The following TRPM1 variants were observed in gnomAD, a reference collection of about 807,000 sequenced individuals.
TRPM1 encodes the protein transient receptor potential cation channel subfamily M member 1.
Under a neutral mutation model 149.4 loss-of-function variants are expected in TRPM1, and 113 were observed. That is an observed-to-expected ratio of 0.76 (90% CI 0.65 to 0.88). The LOEUF (loss-of-function observed/expected upper bound fraction) is 0.88. Ranked by LOEUF, TRPM1 falls within the 40% of genes least tolerant of loss-of-function variation. TRPM1 has a pLI of 0.00. For synonymous variants in TRPM1, 741 were observed against 759.5 expected (o/e 0.98, Z 0.40); for missense variants, 1,976 against 2,038.7 (o/e 0.97, Z 0.59).
rs138879556 is a variant in TRPM1 at position 31,091,857 on chromosome 15, C to T, written c.-84+9800G>A. On this transcript the variant is annotated intron_variant, in intron 1 of 27. Transcript: ENST00000256552. ...ACAAAACAAAACAAAACAAAAAACA[C>T]CTTCTTCAAAAGTTCAGTGGGGCCT... 5.9e-5 allele frequency among the ~76,000 whole-genome samples: 9 copies of T among 152,298 alleles called. No individual in the cohort carries two copies. The East Asian group carries it at 1.7e-3, about 29-fold the overall frequency.
intron 20 of TRPM1, chr15:31,035,914 G>A (rs2033347571): frequency 1.7e-6 from 1 of 579,430 alleles, no homozygotes; most frequent in South Asian, 1.9e-5. Flanking sequence ...TCTACATGGA[G>A]ACATATTGGT....
chr15:31,160,338 C>T (rs1466679239), intron 1 of TRPM1, among the ~76,000 whole-genome samples: 1 of 152,176 alleles, frequency 6.6e-6, no homozygotes, highest in African/African-American at 2.4e-5. Context: ...CCGTTCCCCA[C>T]AGCTGGTGCC....
In TRPM1 at chr15:31,026,904, C is replaced by T; in HGVS notation, c.3496+11G>A. ...TCAGCCCAACTTAGAAATGAAGAGC[C>T]CTGCACATACTCAATCCACGATCCC... On this transcript the variant is annotated intron_variant, in intron 26 of 27. Coordinates refer to ENST00000256552, the MANE Select transcript of TRPM1 (RefSeq NM_001252024.2). 1 of 1,612,814 alleles carries T rather than the reference C, an allele frequency of 6.2e-7. No individual in the cohort carries two copies. Among genetic ancestry groups the T allele is most frequent in the Non-Finnish European group, 8.5e-7 (1 of 1,179,692 alleles).
At chr15:31,099,107 ATC>A (rs1421810401) in intron 1 of TRPM1, among the ~76,000 whole-genome samples, 1 of 151,998 alleles carries the variant, frequency 6.6e-6, no homozygotes, top group African/African-American at 2.4e-5. Flanking sequence ...TAACAGAAAA[ATC>A]TCTTTCCTGG....
At position 31,073,914 on chromosome 15, in the gene TRPM1, T is replaced by C. The variant is rs1393186009; in HGVS notation, c.83+2991A>G. 3.9e-5 allele frequency among the ~76,000 whole-genome samples: 6 copies of C among 151,962 alleles called. No homozygotes were observed. In the South Asian group the frequency reaches 1.2e-3, roughly 32 times the overall value. On this transcript the variant is annotated intron_variant, in intron 3 of 27. Coordinates refer to ENST00000256552, the MANE Select transcript of TRPM1 (RefSeq NM_001252024.2). ...TTTCCGAGTGATTTTTTATAAAGAG[T>C]GTTGAGTTTTATCCAAGTCTTTTGC...
chr15:31,155,261 C>T (rs2036353154), intron 1 of TRPM1, among the ~76,000 whole-genome samples: 1 of 152,210 alleles, frequency 6.6e-6, no homozygotes, highest in African/African-American at 2.4e-5. Context: ...GTGAGAGCTG[C>T]TGTCCCCTGA....
At chr15:31,109,860 A>C (rs1357242622) in intron 1 of TRPM1, among the ~76,000 whole-genome samples, 1 of 152,158 alleles carries the variant, frequency 6.6e-6, no homozygotes, top group Non-Finnish European at 1.5e-5. Flanking sequence ...CTTGGTTCCC[A>C]GGCTGGAGAC....
At chr15:31,057,366 C>CA (rs767489104) in intron 11 of TRPM1, among the ~76,000 whole-genome samples, 39 of 152,144 alleles carry the variant, frequency 2.6e-4, no homozygotes, top group Non-Finnish European at 4.9e-4. Flanking sequence ...AGGGGAATAA[C>CA]AGACACTGGG....
intron 1 of TRPM1, among the ~76,000 whole-genome samples, chr15:31,124,654 CA>C (rs57964365): frequency 0.46 from 39,341 of 86,460 alleles, 5,333 homozygotes; most frequent in Middle Eastern, 0.56. Context: ...GACTCTGTCT[CA>C]AAAAAAAAAA....
At chr15:31,087,724 T>C (rs1169630167) in intron 1 of TRPM1, among the ~76,000 whole-genome samples, 2 of 152,118 alleles carry the variant, frequency 1.3e-5, no homozygotes, top group Non-Finnish European at 2.9e-5. Flanking sequence ...ACAACAGGGA[T>C]GGACTTTGAG....
intron 1 of TRPM1, among the ~76,000 whole-genome samples, chr15:31,115,271 A>G (rs1034144749): frequency 6.6e-6 from 1 of 152,124 alleles, no homozygotes; most frequent in African/African-American, 2.4e-5. Context: ...AATAATAATA[A>G]TAGATAAGTA....
In TRPM1 at chr15:31,001,671, T is replaced by C. The variant is rs1051789959; in HGVS notation, c.*151A>G. ...CTACTAACATATGCTAACAAAATAC[T>C]ACTTTTAGTGCATTAAATTGTAAAT... On this transcript the variant is annotated 3_prime_UTR_variant, in exon 28 of 28. Transcript: ENST00000256552. 2.7e-6 allele frequency: 2 copies of C among 749,290 alleles called. No homozygotes were observed. The highest frequency in any genetic ancestry group is 4.3e-6 in the Non-Finnish European group (2 of 469,484). 46.4% of individuals were successfully genotyped at this position (749,290 alleles called of 1,614,324 possible).
At chr15:31,038,468 T>C (rs1343732998) in intron 18 of TRPM1, among the ~76,000 whole-genome samples, 1 of 152,220 alleles carries the variant, frequency 6.6e-6, no homozygotes, top group African/African-American at 2.4e-5. Flanking sequence ...TCCCAGCACT[T>C]TTGGGAGGCC....
chr15:31,132,493 C>T (rs2036029893), intron 1 of TRPM1, among the ~76,000 whole-genome samples: 1 of 152,206 alleles, frequency 6.6e-6, no homozygotes, highest in Non-Finnish European at 1.5e-5. Flanking sequence ...CCTGATGTCT[C>T]TTTTGTTTGT....
At chr15:31,155,316 C>T (rs2036354294) in intron 1 of TRPM1, among the ~76,000 whole-genome samples, 1 of 152,206 alleles carries the variant, frequency 6.6e-6, no homozygotes. Context: ...GAGTGGGAGA[C>T]TGCAGTGGGG....
chr15:31,101,518 A>G (rs1478573481), intron 1 of TRPM1, 139 bp downstream of exon 1: 3 of 361,096 alleles, frequency 8.3e-6, no homozygotes, highest in Non-Finnish European at 1.2e-5. Flanking sequence ...GCCTACCTGC[A>G]CCTGAGGTTA....
intron 1 of TRPM1, among the ~76,000 whole-genome samples, chr15:31,113,560 T>C (rs947593777): frequency 6.6e-6 from 1 of 152,182 alleles, no homozygotes; most frequent in Non-Finnish European, 1.5e-5. Context: ...AATGTTTTTT[T>C]TTAACTTTAG....
intron 7 of TRPM1, among the ~76,000 whole-genome samples, chr15:31,063,833 C>T (rs888945002): frequency 6.6e-6 from 1 of 152,162 alleles, no homozygotes; most frequent in African/African-American, 2.4e-5. Context: ...CTTTCTGACT[C>T]ACATATGGTT....
At chr15:31,081,887 C>G (rs1234561776) in intron 1 of TRPM1, among the ~76,000 whole-genome samples, 1 of 152,200 alleles carries the variant, frequency 6.6e-6, no homozygotes, top group African/African-American at 2.4e-5. Context: ...GCATGGCTCA[C>G]CTGGGGAGGA....
Sources: gnomAD v4.1 joint callset for allele counts (sites outside exome capture counted in the v4.1 genomes callset) on GRCh38, gnomAD v4.1.1 for gene constraint, MANE v1.5 for transcripts, NCBI Gene and HGNC (gene_info 2026-07-23, HGNC 2026-07-21) for gene names.